The following ZBTB20 variants were observed in gnomAD, a reference collection of about 807,000 sequenced individuals.
ZBTB20 encodes zinc finger and BTB domain-containing protein 20.
Under a neutral mutation model 56.9 loss-of-function variants are expected in ZBTB20, and 9 were observed. That is an observed-to-expected ratio of 0.16 (90% CI 0.10 to 0.28). The LOEUF is 0.28. Ranked by LOEUF, ZBTB20 falls within the 10% of genes least tolerant of loss-of-function variation. The probability of loss-of-function intolerance (pLI) is 1.00; values close to 1 mark genes in which losing one functional copy is unlikely to be tolerated. For missense variants in ZBTB20, 655 were observed against 1,003.0 expected (o/e 0.65, Z 4.69); for synonymous variants, 417 against 420.7 (o/e 0.99, Z 0.11).
intron 3 of ZBTB20, among the ~76,000 whole-genome samples, chr3:114,929,996 A>G (rs993824318): frequency 1.3e-5 from 2 of 152,264 alleles, no homozygotes; most frequent in African/African-American, 4.8e-5. Context: ...AACAAAATGA[A>G]TAAGAGTACA....
intron 1 of ZBTB20, among the ~76,000 whole-genome samples, chr3:115,110,639 A>G (rs190157331): frequency 1.3e-5 from 2 of 152,306 alleles, no homozygotes; most frequent in Admixed American, 1.3e-4. Flanking sequence ...CAAAATTGTC[A>G]TTTACTTAAT....
At chr3:114,602,030 T>C (rs1292960248) in intron 6 of ZBTB20, among the ~76,000 whole-genome samples, 1 of 151,964 alleles carries the variant, frequency 6.6e-6, no homozygotes, top group African/African-American at 2.4e-5. Context: ...GGGGATACGT[T>C]AGATCAGTGG....
At chr3:114,553,035 C>A (rs552422011) in intron 6 of ZBTB20, among the ~76,000 whole-genome samples, 1 of 152,210 alleles carries the variant, frequency 6.6e-6, no homozygotes, top group Non-Finnish European at 1.5e-5. Flanking sequence ...TCCAAATCCA[C>A]GTTTATTTCT....
intron 2 of ZBTB20, among the ~76,000 whole-genome samples, chr3:114,992,384 C>T (rs2078854238): frequency 6.6e-6 from 1 of 151,936 alleles, no homozygotes; most frequent in South Asian, 2.1e-4. Context: ...AAAGTCAAGA[C>T]AGGGAGATTC....
intron 5 of ZBTB20, among the ~76,000 whole-genome samples, chr3:114,714,427 CT>C (rs1350811589): frequency 6.6e-6 from 1 of 152,116 alleles, no homozygotes; most frequent in Admixed American, 6.5e-5. Flanking sequence ...CCAGGTTACA[CT>C]AATTGAGCCT....
chr3:114,987,406 T>C (rs2078594043), intron 2 of ZBTB20, among the ~76,000 whole-genome samples: 1 of 151,994 alleles, frequency 6.6e-6, no homozygotes, highest in Non-Finnish European at 1.5e-5. Context: ...ATCTGAAAAA[T>C]TACATTTTCA....
intron 7 of ZBTB20, among the ~76,000 whole-genome samples, chr3:114,453,295 G>A (rs1442071978): frequency 6.6e-6 from 1 of 152,158 alleles, no homozygotes; most frequent in Non-Finnish European, 1.5e-5. Context: ...GAAGGGGCAA[G>A]AAATCTCTCT....
At chr3:114,635,690 C>A (rs930872872) in intron 6 of ZBTB20, among the ~76,000 whole-genome samples, 1 of 150,094 alleles carries the variant, frequency 6.7e-6, no homozygotes, top group Non-Finnish European at 1.5e-5. Flanking sequence ...AAAAGCAGAC[C>A]TAATCAAGCA....
At chr3:115,145,265 C>G (rs2084929390) in intron 1 of ZBTB20, among the ~76,000 whole-genome samples, 1 of 152,076 alleles carries the variant, frequency 6.6e-6, no homozygotes, top group Non-Finnish European at 1.5e-5. Flanking sequence ...TTTTCTTTCA[C>G]TAGAAAAATA....
chr3:114,544,423 TTCTTTCTTTC>T (rs2049517205), intron 6 of ZBTB20, among the ~76,000 whole-genome samples: 2 of 47,436 alleles, frequency 4.2e-5, no homozygotes, highest in South Asian at 1.6e-3. Context: ...CTTTCTTTCT[TTCTTTCTTTC>T]TTTCTTTCTT....
intron 2 of ZBTB20, among the ~76,000 whole-genome samples, chr3:115,052,473 TG>T (rs1437772458): frequency 6.7e-6 from 1 of 149,728 alleles, no homozygotes; most frequent in Non-Finnish European, 1.5e-5. Flanking sequence ...AAAAAAAAAG[TG>T]ACTAGACCAC....
chr3:114,422,948 C>T (rs1477859521), intron 7 of ZBTB20, among the ~76,000 whole-genome samples: 1 of 152,130 alleles, frequency 6.6e-6, no homozygotes, highest in East Asian at 1.9e-4. Flanking sequence ...TCTACTTCAC[C>T]CCTCCTGGGT....
chr3:115,026,640 C>T (rs1192122841), intron 2 of ZBTB20, among the ~76,000 whole-genome samples: 1 of 150,696 alleles, frequency 6.6e-6, no homozygotes, highest in East Asian at 2.0e-4. Context: ...TATCATTTTT[C>T]TCTGCTTGAC....
At chr3:114,990,755 G>A (rs944375481) in intron 2 of ZBTB20, among the ~76,000 whole-genome samples, 4 of 151,972 alleles carry the variant, frequency 2.6e-5, no homozygotes, top group Admixed American at 6.6e-5. Flanking sequence ...TTGGTTGGTA[G>A]GCTATTAATT....
At chr3:114,760,753 A>C (rs1402385874) in intron 5 of ZBTB20, among the ~76,000 whole-genome samples, 3 of 152,216 alleles carry the variant, frequency 2.0e-5, no homozygotes, top group Non-Finnish European at 4.4e-5. Flanking sequence ...TGAGGCAAAC[A>C]TGAAACATGC....
rs1240854972 is a variant in ZBTB20 at position 115,064,547 on chromosome 3, G to A, written c.-507+6672C>T. 6.0e-5 allele frequency among the ~76,000 whole-genome samples: 9 copies of A among 150,090 alleles called. No individual in the cohort carries two copies. In the East Asian group the frequency reaches 1.2e-3, roughly 20 times the overall value. On this transcript the variant is annotated intron_variant, in intron 2 of 11. Coordinates refer to ENST00000675478, the MANE Select transcript of ZBTB20 (RefSeq NM_001348800.3). ...GCTCACTGCAACCTCCGCCTCCCGG[G>A]TTCAAGTGATTCTCCTGCCTCAGCC...
At chr3:114,407,973 T>C (rs576450917) in intron 7 of ZBTB20, among the ~76,000 whole-genome samples, 21 of 152,288 alleles carry the variant, frequency 1.4e-4, no homozygotes, top group African/African-American at 4.8e-4. Flanking sequence ...CTGAAAATTC[T>C]TATTTATTTT....
chr3:114,506,311 A>G (rs1370446649), intron 6 of ZBTB20, among the ~76,000 whole-genome samples: 1 of 152,144 alleles, frequency 6.6e-6, no homozygotes, highest in Non-Finnish European at 1.5e-5. Context: ...AGAAGATTTT[A>G]AAGTTCAGCA....
chr3:114,689,619 G>A (rs545350435), intron 6 of ZBTB20, among the ~76,000 whole-genome samples: 2 of 152,218 alleles, frequency 1.3e-5, no homozygotes, highest in South Asian at 2.1e-4. Flanking sequence ...ACACCAAGAA[G>A]CAAATGCTAT....
Sources: gnomAD v4.1 joint callset for allele counts (sites outside exome capture counted in the v4.1 genomes callset) on GRCh38, gnomAD v4.1.1 for gene constraint, MANE v1.5 for transcripts, NCBI Gene and HGNC (gene_info 2026-07-23, HGNC 2026-07-21) for gene names.